HS6ST3: variants seen among roughly 807,000 people sequenced by gnomAD.
HS6ST3 encodes heparan-sulfate 6-O-sulfotransferase 3.
Under a neutral mutation model 36.7 loss-of-function variants are expected in HS6ST3, and 12 were observed. The ratio of observed to expected loss-of-function variants is 0.33; its 90% CI spans 0.21 to 0.53. The LOEUF is 0.53. Among genes scored for constraint, HS6ST3 ranks in the 20% least tolerant of loss-of-function variants. The pLI is 0.95. For missense variants in HS6ST3, 584 were observed against 640.9 expected, an observed-to-expected ratio of 0.91 and a Z score of 0.96; for synonymous variants, 240 against 257.5, an observed-to-expected ratio of 0.93 and a Z score of 0.65.
chr13:96,251,004 C>A (rs781027717), intron 1 of HS6ST3, among the ~76,000 whole-genome samples: 18 of 152,070 alleles, frequency 1.2e-4, no homozygotes, highest in Non-Finnish European at 2.2e-4. Context: ...GCATTTTGTT[C>A]TCGATTTCTG....
Position 96,768,178 on chromosome 13 carries a change from T to G in HS6ST3, c.708-64312T>G, listed in dbSNP as rs190262420. On this transcript the variant is annotated intron_variant, in intron 1 of 1. Coordinates refer to ENST00000376705, the MANE Select transcript of HS6ST3 (RefSeq NM_153456.4). ...TTTCCGATCACTAGCTCCAACCTCC[T>G]CCTCTCTTTGTTTACCTTGATGATG... Among the ~76,000 whole-genome samples the G allele has an allele frequency of 4.6e-5, 7 of 152,240 alleles. No homozygotes were observed. The East Asian group carries it at 1.4e-3, about 29-fold the overall frequency.
chr13:96,584,800 A>G (rs771686602), intron 1 of HS6ST3, among the ~76,000 whole-genome samples: 1 of 152,186 alleles, frequency 6.6e-6, no homozygotes, highest in Non-Finnish European at 1.5e-5. Context: ...GATACAGTGC[A>G]TGGGACAGTC....
At chr13:96,825,738 T>C (rs147002938) in intron 1 of HS6ST3, among the ~76,000 whole-genome samples, 100 of 152,364 alleles carry the variant, frequency 6.6e-4, no homozygotes, top group Admixed American at 2.6e-3. Flanking sequence ...CTCCAGTCTA[T>C]GCCCTCCTTC....
rs138994182 is a variant in HS6ST3, at chr13:96,123,965, G to A, written c.707+32396G>A. Among the ~76,000 whole-genome samples, 567 of 152,268 alleles carry A rather than the reference G, an allele frequency of 3.7e-3. 3 individuals carry two copies. Among genetic ancestry groups the A allele is most frequent in the African/African-American group, 0.013 (546 of 41,564 alleles). ...AAGTATTATAGAAAAGGACCACCTG[G>A]TTGTTACAGAAAATTAAAAATGCAG... On this transcript the variant is annotated intron_variant, in intron 1 of 1. Coordinates refer to ENST00000376705, the MANE Select transcript of HS6ST3 (RefSeq NM_153456.4).
At chr13:96,342,564 T>C (rs1159112453) in intron 1 of HS6ST3, among the ~76,000 whole-genome samples, 1 of 152,212 alleles carries the variant, frequency 6.6e-6, no homozygotes, top group African/African-American at 2.4e-5. Flanking sequence ...AATTGTGTTT[T>C]AGAGTGGGAT....
chr13:96,277,257 A>G (rs1245649962), intron 1 of HS6ST3, among the ~76,000 whole-genome samples: 1 of 152,182 alleles, frequency 6.6e-6, no homozygotes, highest in East Asian at 1.9e-4. Context: ...GTCTTCATGG[A>G]TCTAGCTTAC....
At chr13:96,149,277 A>G (rs554614742) in intron 1 of HS6ST3, among the ~76,000 whole-genome samples, 1 of 152,318 alleles carries the variant, frequency 6.6e-6, no homozygotes, top group African/African-American at 2.4e-5. Context: ...CTGAACTGTT[A>G]GTGCCTGCTT....
At chr13:96,502,499 A>G (rs1318845789) in intron 1 of HS6ST3, among the ~76,000 whole-genome samples, 1 of 151,994 alleles carries the variant, frequency 6.6e-6, no homozygotes, top group East Asian at 1.9e-4. Context: ...TTATTTAAAG[A>G]ATGTATTTAT....
intron 1 of HS6ST3, among the ~76,000 whole-genome samples, chr13:96,575,602 TCAC>T (rs2056317633): frequency 1.3e-5 from 2 of 152,250 alleles, no homozygotes; most frequent in East Asian, 3.8e-4. Context: ...CTGTGTAATT[TCAC>T]AAGGCAGATC....
intron 1 of HS6ST3, among the ~76,000 whole-genome samples, chr13:96,560,781 G>A (rs979337935): frequency 3.3e-5 from 5 of 152,060 alleles, no homozygotes; most frequent in African/African-American, 1.2e-4. Flanking sequence ...ATTTACAATA[G>A]CTGCAAAATA....
At chr13:96,336,848 T>C (rs1333328414) in intron 1 of HS6ST3, among the ~76,000 whole-genome samples, 1 of 152,222 alleles carries the variant, frequency 6.6e-6, no homozygotes, top group African/African-American at 2.4e-5. Context: ...TATTAAATTA[T>C]TCTTTGGGGT....
At chr13:96,645,816 T>C (rs2056586693) in intron 1 of HS6ST3, among the ~76,000 whole-genome samples, 1 of 151,900 alleles carries the variant, frequency 6.6e-6, no homozygotes, top group Admixed American at 6.6e-5. Flanking sequence ...GGAAATGCCA[T>C]GGAAATTGCT....
rs1317328743 is a variant in HS6ST3 at position 96,836,797 on chromosome 13, C to A, written c.*3599C>A. 1 of 152,178 alleles carries A rather than the reference C, an allele frequency of 6.6e-6. No homozygotes were observed. 9.4% of individuals were successfully genotyped at this position (152,178 alleles called of 1,614,324 possible). On this transcript the variant is annotated 3_prime_UTR_variant, in exon 2 of 2. Transcript: ENST00000376705. Reference sequence around the variant, plus strand: ...ACAGAAATTCAAAATAGTGACTTAACATGGAAGCTATTTCTCTCTTACTTA... The same window carrying A: ...ACAGAAATTCAAAATAGTGACTTAAAATGGAAGCTATTTCTCTCTTACTTA...
chr13:96,301,765 T>C (rs2054883438), intron 1 of HS6ST3, among the ~76,000 whole-genome samples: 1 of 151,516 alleles, frequency 6.6e-6, no homozygotes, highest in African/African-American at 2.4e-5. Flanking sequence ...AAAAAATTAG[T>C]TGGGCACGGT....
At chr13:96,395,826 T>G (rs7991071) in intron 1 of HS6ST3, among the ~76,000 whole-genome samples, 4,080 of 150,660 alleles carry the variant, frequency 0.027, 195 homozygotes, top group African/African-American at 0.095. Context: ...AGTAAAGGAG[T>G]GGTATAGGGG....
intron 1 of HS6ST3, among the ~76,000 whole-genome samples, chr13:96,462,299 G>A (rs2055788503): frequency 6.6e-6 from 1 of 152,078 alleles, no homozygotes; most frequent in Admixed American, 6.6e-5. Flanking sequence ...TCAAACTCCT[G>A]GCCTCAAGTG....
Position 96,612,765 on chromosome 13 carries a change from A to G in HS6ST3, c.708-219725A>G, listed in dbSNP as rs146786643. On this transcript the variant is annotated intron_variant, in intron 1 of 1. Coordinates refer to ENST00000376705, the MANE Select transcript of HS6ST3 (RefSeq NM_153456.4). ...TTGCCCTTCCATTCTAAATTCTCCA[A>G]TGGTTTCTCATCTCACTCAGAGTGC... 2.3e-3 allele frequency among the ~76,000 whole-genome samples: 348 copies of G among 152,098 alleles called. 4 individuals are homozygous for G. Among genetic ancestry groups the G allele is most frequent in the East Asian group, 2.1e-3 (11 of 5,166 alleles).
At chr13:96,341,736 A>T (rs2055131356) in intron 1 of HS6ST3, among the ~76,000 whole-genome samples, 1 of 152,168 alleles carries the variant, frequency 6.6e-6, no homozygotes, top group Admixed American at 6.5e-5. Flanking sequence ...ACATTTTTAT[A>T]ACAAAACATA....
intron 1 of HS6ST3, among the ~76,000 whole-genome samples, chr13:96,498,849 C>T (rs1004867982): frequency 6.6e-6 from 1 of 152,278 alleles, no homozygotes; most frequent in Admixed American, 6.5e-5. Context: ...CCCTGTCATA[C>T]TTCTCCTACC....
Sources: allele counts gnomAD v4.1 joint callset (sites outside exome capture counted in the v4.1 genomes callset), GRCh38; gene constraint gnomAD v4.1.1; transcripts MANE v1.5; gene names NCBI Gene and HGNC (gene_info 2026-07-23, HGNC 2026-07-21).